The following WDR88 variants were observed in gnomAD, a reference collection of about 807,000 sequenced individuals.
WDR88 encodes WD repeat-containing protein 88.
In WDR88, 40 loss-of-function variants were observed where a neutral mutation model predicts 46.8. The ratio of observed to expected loss-of-function variants is 0.86; its 90% CI spans 0.66 to 1.11. The LOEUF is 1.11. Among genes scored for constraint, WDR88 ranks in the 50% most tolerant of loss-of-function variants. WDR88 has a pLI of 0.00. For synonymous variants in WDR88, 235 were observed against 240.7 expected, an observed-to-expected ratio of 0.98 and a Z score of 0.22; for missense variants, 562 against 602.4, an observed-to-expected ratio of 0.93 and a Z score of 0.70.
At chr19:33,152,393 AC>A (rs1973653639) in intron 6 of WDR88, among the ~76,000 whole-genome samples, 1 of 152,022 alleles carries the variant, frequency 6.6e-6, no homozygotes, top group Non-Finnish European at 1.5e-5. Flanking sequence ...AGAAGCTCTT[AC>A]CCGTTAAGCA....
At chr19:33,175,193 C>G (rs552551987) in intron 10 of WDR88, among the ~76,000 whole-genome samples, 12 of 152,236 alleles carry the variant, frequency 7.9e-5, no homozygotes, top group African/African-American at 2.4e-4. Context: ...CTAGATGGTG[C>G]CACTGCACTC....
chr19:33,173,077 G>T (rs1974064857), intron 10 of WDR88, among the ~76,000 whole-genome samples: 1 of 112,806 alleles, frequency 8.9e-6, no homozygotes, highest in African/African-American at 3.5e-5. Context: ...GGGTGACAGA[G>T]CGAGACTCTG....
intron 9 of WDR88, among the ~76,000 whole-genome samples, chr19:33,171,884 C>T (rs1403686372): frequency 6.6e-6 from 1 of 152,124 alleles, no homozygotes; most frequent in African/African-American, 2.4e-5. Flanking sequence ...AGTGATTCTC[C>T]TGCCTCAGCC....
intron 2 of WDR88, among the ~76,000 whole-genome samples, chr19:33,138,578 T>C (rs570118103): frequency 6.6e-6 from 1 of 152,002 alleles, no homozygotes; most frequent in African/African-American, 2.4e-5. Context: ...AACTCCTGAC[T>C]TCAGATGATC....
intron 10 of WDR88, chr19:33,174,080 G>A: frequency 1.5e-6 from 2 of 1,303,406 alleles, no homozygotes; most frequent in Non-Finnish European, 2.1e-6. Context: ...TCGAACTCCT[G>A]AGCTCAAGTG....
intron 2 of WDR88, among the ~76,000 whole-genome samples, chr19:33,141,355 G>C (rs1230836252): frequency 6.6e-6 from 1 of 151,024 alleles, no homozygotes; most frequent in Non-Finnish European, 1.5e-5. Flanking sequence ...TCAGCCTCCT[G>C]AGTATCTGGG....
chr19:33,168,142 T>C (rs10405133), intron 9 of WDR88, among the ~76,000 whole-genome samples: 56,517 of 151,752 alleles, frequency 0.37, 13,364 homozygotes, highest in African/African-American at 0.65. Context: ...ATTCTCCTGC[T>C]TCAGCCTCCC....
intron 10 of WDR88, among the ~76,000 whole-genome samples, chr19:33,173,091 CAAAAAAAAAA>C (rs60495323): frequency 2.6e-4 from 15 of 57,280 alleles, no homozygotes; most frequent in Non-Finnish European, 3.5e-4. Context: ...GACTCTGTCT[CAAAAAAAAAA>C]AAAAAAAAAA....
At position 33,163,787 on chromosome 19, in the gene WDR88, C is replaced by T. The variant is rs183439781; in HGVS notation, c.1081-410C>T. Among the ~76,000 whole-genome samples the T allele has an allele frequency of 2.6e-3, 396 of 152,036 alleles. 1 individual carries two copies. The highest frequency in any genetic ancestry group is 8.9e-3 in the African/African-American group (370 of 41,470). On this transcript the variant is annotated intron_variant, in intron 8 of 10. Coordinates refer to ENST00000355868, the MANE Select transcript of WDR88 (RefSeq NM_173479.4). ...AGTTGGGATTACAGGCGCATGCCAC[C>T]ATGCTCGGCTAATATTTTGTATTTT...
At position 33,160,395 on chromosome 19, in the gene WDR88, C is replaced by A. The variant is rs1330667701; in HGVS notation, c.998-19C>A. Reference sequence around the variant, plus strand: ...TGGAAAGTTGACCCCCATCTCCACCCTTTCATTTTCTGTTGCAGGCTCTTT... The same window carrying A: ...TGGAAAGTTGACCCCCATCTCCACCATTTCATTTTCTGTTGCAGGCTCTTT... On this transcript the variant is annotated intron_variant, in intron 7 of 10. Coordinates refer to ENST00000355868, the MANE Select transcript of WDR88 (RefSeq NM_173479.4). 3.1e-6 allele frequency: 5 copies of A among 1,613,980 alleles called. No individual in the cohort carries two copies. The highest frequency in any genetic ancestry group is 4.2e-6 in the Non-Finnish European group (5 of 1,179,922).
chr19:33,165,666 G>A (rs1010705855), intron 9 of WDR88, among the ~76,000 whole-genome samples: 10 of 152,024 alleles, frequency 6.6e-5, no homozygotes, highest in Non-Finnish European at 1.3e-4. Context: ...GCCGAGGCGG[G>A]TGGATCACCT....
intron 1 of WDR88, among the ~76,000 whole-genome samples, chr19:33,135,056 TG>T (rs922291230): frequency 7.6e-4 from 15 of 19,632 alleles, no homozygotes; most frequent in Non-Finnish European, 3.1e-3. Flanking sequence ...GGTGGGTGGG[TG>T]GGGGGGGTGA....
chr19:33,156,226 T>C, intron 6 of WDR88, 129 bp from the exon 7 acceptor site: 1 of 869,728 alleles, frequency 1.1e-6, no homozygotes, highest in Non-Finnish European at 1.7e-6. Context: ...CAGGTCCTCT[T>C]GGGGCGAAGT....
chr19:33,142,291 G>T (rs1973412522), intron 2 of WDR88, among the ~76,000 whole-genome samples: 2 of 152,068 alleles, frequency 1.3e-5, no homozygotes, highest in Admixed American at 1.3e-4. Flanking sequence ...CTAAGGCAGG[G>T]GCTCAGAGGA....
At chr19:33,153,390 C>A (rs188542528) in intron 6 of WDR88, among the ~76,000 whole-genome samples, 161 of 151,974 alleles carry the variant, frequency 1.1e-3, no homozygotes, top group African/African-American at 3.8e-3. Context: ...ACTCTGTATA[C>A]CCAGGAGTGG....
At chr19:33,161,633 A>G (rs1183660989) in intron 8 of WDR88, among the ~76,000 whole-genome samples, 3 of 152,076 alleles carry the variant, frequency 2.0e-5, no homozygotes, top group Non-Finnish European at 4.4e-5. Context: ...CAGCAAATAA[A>G]CGGATTAAAA....
chr19:33,175,757 A>G lies in WDR88; in HGVS notation c.*185A>G. The G allele has an allele frequency of 1.6e-6, 1 of 616,794 alleles. No individual in the cohort carries two copies. Among genetic ancestry groups the G allele is most frequent in the Non-Finnish European group, 2.8e-6 (1 of 353,956 alleles). The allele number at this position is 616,794 out of a possible 1,614,324, so 38.2% of individuals were successfully genotyped here. A position where few individuals can be genotyped will look rare whatever the true frequency, so the allele number is the denominator to read the frequency against. Reference sequence around the variant, plus strand: ...TCAGCTCTCAGCTTGGGGAGTGAACACTTTCCGTTTTCATGCAGAATAAAT... The same window carrying G: ...TCAGCTCTCAGCTTGGGGAGTGAACGCTTTCCGTTTTCATGCAGAATAAAT... On this transcript the variant is annotated 3_prime_UTR_variant, in exon 11 of 11. Transcript: ENST00000355868.
At chr19:33,150,628 TTG>T (rs1288485030) in intron 5 of WDR88, among the ~76,000 whole-genome samples, 1 of 152,120 alleles carries the variant, frequency 6.6e-6, no homozygotes, top group Non-Finnish European at 1.5e-5. Context: ...CATATGTGCT[TTG>T]TGTTTCTTTT....
At chr19:33,156,295 T>C (rs1973733259) in intron 6 of WDR88, 60 bp from the exon 7 acceptor site, 7 of 1,542,118 alleles carry the variant, frequency 4.5e-6, no homozygotes, top group Non-Finnish European at 5.3e-6. Flanking sequence ...GCTTTAGGTA[T>C]GTCTTCAGGT....
Sources: allele counts gnomAD v4.1 joint callset (sites outside exome capture counted in the v4.1 genomes callset), GRCh38; gene constraint gnomAD v4.1.1; transcripts MANE v1.5; gene names NCBI Gene and HGNC (gene_info 2026-07-23, HGNC 2026-07-21).